Variants in DLC1 observed in about 807,000 individuals in gnomAD.
DLC1 encodes the protein DLC1 Rho GTPase activating protein, also known as rho GTPase-activating protein 7.
A neutral mutation model predicts 140.3 loss-of-function variants in DLC1; 54 were observed. That is an observed-to-expected ratio of 0.38 (90% CI 0.31 to 0.48). The LOEUF is 0.48. Ranked by LOEUF, DLC1 falls within the 20% of genes least tolerant of loss-of-function variation. The pLI, the probability that DLC1 is intolerant of heterozygous loss-of-function variation, is 0.96. For synonymous variants in DLC1, 986 were observed against 728.1 expected, an observed-to-expected ratio of 1.35 and a Z score of -5.70; for missense variants, 2,536 against 1,907.0, an observed-to-expected ratio of 1.33 and a Z score of -6.14.
intron 6 of DLC1, among the ~76,000 whole-genome samples, chr8:13,114,353 C>A (rs112880676): frequency 5.9e-5 from 9 of 152,320 alleles, no homozygotes; most frequent in Admixed American, 2.6e-4. Context: ...CAGAGCGAGA[C>A]TCCGTCTCAA....
intron 5 of DLC1, among the ~76,000 whole-genome samples, chr8:13,215,371 TG>T (rs2117124727): frequency 6.6e-6 from 1 of 152,240 alleles, no homozygotes; most frequent in South Asian, 2.1e-4. Context: ...GGATCACTTG[TG>T]GTCAGGAGTT....
At chr8:13,145,993 G>T (rs758986549) in intron 5 of DLC1, among the ~76,000 whole-genome samples, 14 of 152,058 alleles carry the variant, frequency 9.2e-5, no homozygotes, top group Non-Finnish European at 1.5e-4. Context: ...AAAATATACT[G>T]TAGGGCCGGG....
intron 4 of DLC1, among the ~76,000 whole-genome samples, chr8:13,383,703 T>C (rs1836376176): frequency 6.6e-6 from 1 of 152,178 alleles, no homozygotes; most frequent in South Asian, 2.1e-4. Context: ...CTTGATTTCT[T>C]TCACTTGCAT....
intron 2 of DLC1, among the ~76,000 whole-genome samples, chr8:13,413,351 C>A (rs747990052): frequency 2.9e-5 from 4 of 139,980 alleles, no homozygotes; most frequent in Non-Finnish European, 6.0e-5. Context: ...CCAATGTGGC[C>A]CGGGGAAGCC....
chr8:13,210,645 A>G (rs1367423821), intron 5 of DLC1, among the ~76,000 whole-genome samples: 1 of 152,198 alleles, frequency 6.6e-6, no homozygotes, highest in Non-Finnish European at 1.5e-5. Context: ...AAGAAAATTG[A>G]TATTTTGCTA....
chr8:13,422,006 C>T (rs1473412174), intron 2 of DLC1, among the ~76,000 whole-genome samples: 1 of 152,108 alleles, frequency 6.6e-6, no homozygotes, highest in Non-Finnish European at 1.5e-5. Context: ...GTGGAGTTGA[C>T]TTGTACCTAT....
At chr8:13,491,989 G>T (rs1426134497) in intron 2 of DLC1, among the ~76,000 whole-genome samples, 3 of 152,150 alleles carry the variant, frequency 2.0e-5, no homozygotes, top group African/African-American at 4.8e-5. Flanking sequence ...AGCAATGGTG[G>T]AATCAATTGG....
At chr8:13,570,919 C>A (rs1804631016) in intron 1 of DLC1, among the ~76,000 whole-genome samples, 2 of 152,160 alleles carry the variant, frequency 1.3e-5, no homozygotes, top group Admixed American at 1.3e-4. Flanking sequence ...CCAGGGTTAA[C>A]TCTTTACTTG....
chr8:13,477,909 AG>A (rs1270428877), intron 2 of DLC1, among the ~76,000 whole-genome samples: 1 of 152,242 alleles, frequency 6.6e-6, no homozygotes, highest in African/African-American at 2.4e-5. Context: ...GGAATGATTC[AG>A]GTAATACCAA....
chr8:13,094,340 A>G (rs1818329325), intron 12 of DLC1, among the ~76,000 whole-genome samples: 1 of 152,198 alleles, frequency 6.6e-6, no homozygotes, highest in South Asian at 2.1e-4. Context: ...ATGGGTTTCC[A>G]AGAGGTCACC....
intron 5 of DLC1, among the ~76,000 whole-genome samples, chr8:13,225,178 G>A (rs1828735230): frequency 1.3e-5 from 2 of 151,882 alleles, no homozygotes; most frequent in Admixed American, 6.5e-5. Context: ...TGGGTGTGCT[G>A]CCTTTTAAAA....
upstream of DLC1, among the ~76,000 whole-genome samples, chr8:13,517,739 A>G (rs1478272136): frequency 1.3e-5 from 2 of 152,246 alleles, no homozygotes; most frequent in Non-Finnish European, 2.9e-5. Context: ...AGGGACAGTT[A>G]AGAACTTGAA....
chr8:13,188,838 TATATA>T (rs1413807872), intron 5 of DLC1, among the ~76,000 whole-genome samples: 4 of 29,920 alleles, frequency 1.3e-4, no homozygotes, highest in African/African-American at 4.1e-4. Context: ...TATATATATA[TATATA>T]TTTTTTTTTT....
chr8:13,391,594 A>T (rs1836763640), intron 4 of DLC1, among the ~76,000 whole-genome samples: 1 of 152,186 alleles, frequency 6.6e-6, no homozygotes, highest in Non-Finnish European at 1.5e-5. Flanking sequence ...CTCATAAAAA[A>T]CTTTTACAAA....
At chr8:13,220,818 T>TTAGAATTCTAATTAG (rs1321521999) in intron 5 of DLC1, among the ~76,000 whole-genome samples, 4 of 152,094 alleles carry the variant, frequency 2.6e-5, no homozygotes, top group Admixed American at 2.0e-4. Flanking sequence ...ATATACGGAG[T>TTAGAATTCTAATTAG]TTGAAATTAG....
chr8:13,118,211 A>T (rs1298490838), intron 5 of DLC1, among the ~76,000 whole-genome samples: 1 of 152,106 alleles, frequency 6.6e-6, no homozygotes, highest in East Asian at 1.9e-4. Context: ...CTAACAAATA[A>T]AATGACTCCA....
intron 5 of DLC1, among the ~76,000 whole-genome samples, chr8:13,153,705 A>T (rs1824017799): frequency 6.6e-6 from 1 of 152,090 alleles, no homozygotes; most frequent in South Asian, 2.1e-4. Flanking sequence ...AAAGTTCTCC[A>T]AGTCCCCACT....
chr8:13,542,047 G>T (rs1803502364), intron 1 of DLC1, among the ~76,000 whole-genome samples: 1 of 152,036 alleles, frequency 6.6e-6, no homozygotes, highest in Non-Finnish European at 1.5e-5. Flanking sequence ...CTTTTGAGGG[G>T]CAACTGTTTC....
At chr8:13,402,585 C>G (rs532899098) in intron 2 of DLC1, among the ~76,000 whole-genome samples, 100 of 152,338 alleles carry the variant, frequency 6.6e-4, no homozygotes, top group Non-Finnish European at 6.5e-4. Flanking sequence ...TCCTCTCCAT[C>G]TGTCTGATTG....
Sources: allele counts gnomAD v4.1 joint callset (sites outside exome capture counted in the v4.1 genomes callset), GRCh38; gene constraint gnomAD v4.1.1; transcripts MANE v1.5; gene names NCBI Gene and HGNC (gene_info 2026-07-23, HGNC 2026-07-21).